NEDD8: variants seen among roughly 807,000 people sequenced by gnomAD.
NEDD8 encodes NEDD8 ubiquitin like modifier, also known as ubiquitin-like protein NEDD8.
A neutral mutation model predicts 13.8 loss-of-function variants in NEDD8; 1 was observed. The ratio of observed to expected loss-of-function variants is 0.07; its 90% CI spans 0.03 to 0.34. The LOEUF is 0.34. NEDD8 is among the 10% of genes least tolerant of loss of function. NEDD8 has a pLI of 0.99. For synonymous variants in NEDD8, 31 were observed against 33.2 expected (o/e 0.93, Z 0.23); for missense variants, 10 against 95.2 (o/e 0.10, Z 3.73).
At chr14:24,219,829 A>G (rs913675841) in intron 1 of NEDD8, among the ~76,000 whole-genome samples, 3 of 152,028 alleles carry the variant, frequency 2.0e-5, no homozygotes, top group Non-Finnish European at 4.4e-5. Context: ...TCCAAACTTC[A>G]AGACCCCTTA....
chr14:24,231,355 G>C (rs1566671954), intron 1 of NEDD8, among the ~76,000 whole-genome samples: 1 of 152,184 alleles, frequency 6.6e-6, no homozygotes, highest in African/African-American at 2.4e-5. Flanking sequence ...GACTGGGGAA[G>C]AGAAGGTTAA....
At chr14:24,228,786 C>CA (rs1555357779) in intron 1 of NEDD8, 5 of 147,024 alleles carry the variant, frequency 3.4e-5, no homozygotes, top group African/African-American at 1.3e-4. Context: ...ATTAACAGCT[C>CA]TTTTTTTTCT....
In NEDD8 at chr14:24,218,602, T is replaced by C. The variant is rs974277837; in HGVS notation, c.19-171A>G. On this transcript the variant is annotated intron_variant, in intron 1 of 3. Transcript: ENST00000250495. ...TTTGAACATACCTTCATTTATCAAA[T>C]ATTTTTAGGCTGTAAACAACTTTGA... is the stretch of plus-strand genomic sequence containing the variant. The C allele has an allele frequency of 3.3e-6, 3 of 906,280 alleles. No homozygotes were observed. The African/African-American group carries it at 5.0e-5, about 15-fold the overall frequency. The allele number at this position is 906,280 out of a possible 1,614,324, so 56.1% of individuals were successfully genotyped here.
intron 1 of NEDD8, chr14:24,218,681 C>T: frequency 1.7e-6 from 1 of 572,910 alleles, no homozygotes; most frequent in South Asian, 2.2e-5. Flanking sequence ...AGTCATCTTC[C>T]AACATCAGTC....
At chr14:24,223,960 C>T (rs1235610197) in intron 1 of NEDD8, among the ~76,000 whole-genome samples, 1 of 151,964 alleles carries the variant, frequency 6.6e-6, no homozygotes, top group Non-Finnish European at 1.5e-5. Flanking sequence ...CAGAGTCTCG[C>T]TCTGTCGCCC....
chr14:24,222,877 G>A (rs1300987459), intron 1 of NEDD8, among the ~76,000 whole-genome samples: 1 of 152,042 alleles, frequency 6.6e-6, no homozygotes, highest in African/African-American at 2.4e-5. Flanking sequence ...CACGAGGTCA[G>A]GAGTTTGAGA....
intron 1 of NEDD8, 85 bp downstream of exon 1, chr14:24,232,165 G>A: frequency 1.9e-6 from 3 of 1,602,256 alleles, no homozygotes; most frequent in Admixed American, 1.7e-5. Flanking sequence ...AGGGAAAGGC[G>A]TGGTTTTCCT....
At chr14:24,229,908 T>A (rs1051967845) in intron 1 of NEDD8, among the ~76,000 whole-genome samples, 3 of 151,768 alleles carry the variant, frequency 2.0e-5, no homozygotes, top group African/African-American at 7.3e-5. Context: ...CCGTTTCTAC[T>A]AAAAATACAA....
intron 1 of NEDD8, among the ~76,000 whole-genome samples, chr14:24,223,218 C>A (rs758588391): frequency 1.3e-5 from 2 of 150,966 alleles, no homozygotes; most frequent in Non-Finnish European, 2.9e-5. Context: ...GCCTGGGCAA[C>A]ATAGTGAGAT....
At chr14:24,218,874 G>C (rs1250421765) in intron 1 of NEDD8, 1 of 217,232 alleles carries the variant, frequency 4.6e-6, no homozygotes, top group Non-Finnish European at 9.3e-6. Context: ...AGCCTCCCAC[G>C]TAGCTGGGAT....
intron 1 of NEDD8, among the ~76,000 whole-genome samples, chr14:24,224,760 C>G (rs1471357796): frequency 6.6e-6 from 1 of 152,168 alleles, no homozygotes; most frequent in Non-Finnish European, 1.5e-5. Context: ...TACCACATCA[C>G]CACCTATGAA....
intron 1 of NEDD8, chr14:24,227,667 T>C (rs1420446412): frequency 2.0e-5 from 3 of 152,192 alleles, no homozygotes; most frequent in Non-Finnish European, 4.4e-5. Flanking sequence ...GGGATATGGC[T>C]TATGACAGAA....
intron 1 of NEDD8, among the ~76,000 whole-genome samples, chr14:24,219,475 CAAAAAAAAAAAAAA>C (rs59964484): frequency 3.6e-4 from 12 of 33,368 alleles, no homozygotes; most frequent in Non-Finnish European, 4.9e-4. Context: ...AACACCCTCG[CAAAAAAAAAAAAAA>C]AAAAAAAAAA....
At chr14:24,221,439 C>T (rs1479024098) in intron 1 of NEDD8, among the ~76,000 whole-genome samples, 1 of 151,968 alleles carries the variant, frequency 6.6e-6, no homozygotes, top group Non-Finnish European at 1.5e-5. Flanking sequence ...ACCACCACGC[C>T]TGACTACATT....
intron 2 of NEDD8, 80 bp from the exon 3 acceptor site, chr14:24,218,295 G>A (rs748721903): frequency 1.8e-5 from 29 of 1,613,494 alleles, no homozygotes; most frequent in Admixed American, 1.3e-4. Context: ...TATGCAGACA[G>A]CATGAGAGCA....
At chr14:24,221,684 G>A (rs2039812629) in intron 1 of NEDD8, among the ~76,000 whole-genome samples, 1 of 152,040 alleles carries the variant, frequency 6.6e-6, no homozygotes, top group African/African-American at 2.4e-5. Flanking sequence ...TGCAACCTCT[G>A]CCTCCCAGGT....
intron 1 of NEDD8, chr14:24,231,858 A>G: frequency 4.8e-6 from 1 of 209,578 alleles, no homozygotes; most frequent in Non-Finnish European, 9.6e-6. Context: ...GACTGGGAGA[A>G]GCAGGTACCC....
intron 1 of NEDD8, among the ~76,000 whole-genome samples, chr14:24,226,414 C>A (rs1411391197): frequency 6.8e-6 from 1 of 146,868 alleles, no homozygotes; most frequent in Non-Finnish European, 1.5e-5. Flanking sequence ...CCACCGCACT[C>A]CAGCCTGGGT....
intron 1 of NEDD8, among the ~76,000 whole-genome samples, chr14:24,222,131 T>C (rs1212105530): frequency 6.6e-6 from 1 of 152,206 alleles, no homozygotes; most frequent in Middle Eastern, 3.2e-3. Context: ...CTCATGACTA[T>C]GTCCAAAAGT....
Sources: allele counts gnomAD v4.1 joint callset (sites outside exome capture counted in the v4.1 genomes callset), GRCh38; gene constraint gnomAD v4.1.1; transcripts MANE v1.5; gene names NCBI Gene and HGNC (gene_info 2026-07-23, HGNC 2026-07-21).